The following FSD2 variants were observed in gnomAD, a reference collection of about 807,000 sequenced individuals.
FSD2 encodes the protein fibronectin type III and SPRY domain containing 2.
A neutral mutation model predicts 80.4 loss-of-function variants in FSD2; 71 were observed. That is an observed-to-expected ratio of 0.88 (90% CI 0.73 to 1.08). FSD2 has a LOEUF of 1.08. FSD2 is among the 50% of genes least tolerant of loss of function. FSD2 has a pLI of 0.00. For missense variants in FSD2, 923 were observed against 913.8 expected (o/e 1.01, Z -0.13); for synonymous variants, 361 against 329.5 (o/e 1.10, Z -1.03).
chr15:82,790,892 T>C (rs1420179297), intron 1 of FSD2, among the ~76,000 whole-genome samples: 2 of 149,234 alleles, frequency 1.3e-5, no homozygotes, highest in Non-Finnish European at 3.0e-5. Flanking sequence ...GCCCATTGTG[T>C]TTTATTAATT....
chr15:82,782,231 T>C (rs545263533), intron 4 of FSD2, among the ~76,000 whole-genome samples: 8 of 147,912 alleles, frequency 5.4e-5, no homozygotes, highest in African/African-American at 7.5e-5. Context: ...CCGTCTCTAC[T>C]AAAAATACAA....
intron 1 of FSD2, among the ~76,000 whole-genome samples, chr15:82,798,878 G>GTTTTT: frequency 7.4e-6 from 1 of 135,816 alleles, no homozygotes. Context: ...CCACTGTTTT[G>GTTTTT]TTTTTTTTTT....
intron 1 of FSD2, among the ~76,000 whole-genome samples, chr15:82,795,845 G>A (rs1487144814): frequency 6.7e-6 from 1 of 148,378 alleles, no homozygotes; most frequent in Non-Finnish European, 1.5e-5. Context: ...AAAAAAAAAA[G>A]TATTAGATGA....
At position 82,782,818 on chromosome 15, in the gene FSD2, C is replaced by T. The variant is rs535507046; in HGVS notation, c.943G>A (p.Glu315Lys). The T allele has an allele frequency of 7.9e-5, 128 of 1,611,750 alleles. No homozygotes were observed. Among genetic ancestry groups the T allele is most frequent in the South Asian group, 1.3e-4 (12 of 90,278 alleles). The change falls in exon 4 of 13, where the codon GAG (glutamate) becomes AAG (lysine). Residue 315 changes from glutamate (E) to lysine (K), a missense_variant. Coordinates refer to ENST00000334574, the MANE Select transcript of FSD2 (RefSeq NM_001007122.4). ...LMETIEEMCH[E>K]EKVDFIKDAV... ...ACCTTTATGAAATCCACCTTCTCCT[C>T]GTGACACATCTCCTCTATTGTTTCC...
intron 7 of FSD2, among the ~76,000 whole-genome samples, 190 bp downstream of exon 7, chr15:82,771,883 G>C (rs1057315262): frequency 1.3e-5 from 2 of 152,192 alleles, no homozygotes; most frequent in African/African-American, 4.8e-5. Flanking sequence ...TGGCCTTGCT[G>C]TCCTTCCCAG....
intron 1 of FSD2, among the ~76,000 whole-genome samples, chr15:82,791,839 AT>A (rs1036100511): frequency 3.3e-5 from 5 of 152,272 alleles, no homozygotes; most frequent in Admixed American, 2.0e-4. Flanking sequence ...ATAGTATGTG[AT>A]CTTTTGTAAC....
intron 1 of FSD2, among the ~76,000 whole-genome samples, chr15:82,798,402 C>T (rs902121186): frequency 6.6e-6 from 1 of 152,070 alleles, no homozygotes; most frequent in African/African-American, 2.4e-5. Flanking sequence ...GTGCACAATT[C>T]AATGATTTTT....
chr15:82,769,588 A>G (rs533338699), intron 8 of FSD2, among the ~76,000 whole-genome samples, 162 bp downstream of exon 8: 1 of 152,180 alleles, frequency 6.6e-6, no homozygotes, highest in South Asian at 2.1e-4. Context: ...TGTCACTGTC[A>G]AACTAGGCAT....
intron 4 of FSD2, among the ~76,000 whole-genome samples, chr15:82,782,355 G>T (rs922688160): frequency 6.6e-6 from 1 of 152,050 alleles, no homozygotes; most frequent in Non-Finnish European, 1.5e-5. Context: ...AGCCGAGATC[G>T]CGCCACTGCA....
chr15:82,762,172 C>T lies in FSD2; in HGVS notation c.1927G>A (p.Val643Ile). Reference protein sequence around the residue: ...DYRVGVAFADVRKQEDLGANC... With the variant: ...DYRVGVAFADIRKQEDLGANC... The stretch of plus-strand genomic sequence containing the variant: ...GCTCCCAGATCCTCCTGTTTACGGA[C>T]ATCTGCAAAGGCCACACCAACTCTG... Residue 643 changes from valine to isoleucine, a missense_variant, in exon 12 of 13, where the codon GTC (valine) becomes ATC (isoleucine). Val to Ile is a conservative substitution (Grantham distance 29). Transcript: ENST00000334574. 1 of 1,613,414 alleles carries T rather than the reference C, an allele frequency of 6.2e-7. No homozygotes were observed. The highest frequency in any genetic ancestry group is 8.5e-7 in the Non-Finnish European group (1 of 1,179,680).
chr15:82,765,293 A>C lies in FSD2; in HGVS notation c.1693T>G (p.Tyr565Asp). The change falls in exon 11 of 13, where the codon TAC becomes GAC. Residue 565 changes from tyrosine (Y) to aspartate (D), a missense_variant. Transcript: ENST00000334574. ...CAAGTGTCCTTGTTTAGGCGAAAGT[A>C]GCTTCCTGTGGGAGGAGGAACACAC... is the stretch of plus-strand genomic sequence containing the variant. ...EPATVHTIGS[Y>D]FRLNKDTCHP... 6.2e-7 allele frequency: 1 copy of C among 1,613,234 alleles called. No individual in the cohort carries two copies. Among genetic ancestry groups the C allele is most frequent in the Non-Finnish European group, 8.5e-7 (1 of 1,179,628 alleles).
At chr15:82,792,459 G>T (rs2050173516) in intron 1 of FSD2, among the ~76,000 whole-genome samples, 1 of 152,116 alleles carries the variant, frequency 6.6e-6, no homozygotes, top group Admixed American at 6.6e-5. Context: ...TTTTAAATTG[G>T]ATTATTTGCC....
chr15:82,783,619 C>G (rs1387330964), intron 3 of FSD2, among the ~76,000 whole-genome samples: 2 of 152,180 alleles, frequency 1.3e-5, no homozygotes, highest in Non-Finnish European at 2.9e-5. Flanking sequence ...CCTTCTATCA[C>G]CATGACAAGT....
chr15:82,769,873 T>C lies in FSD2; in HGVS notation c.1279A>G (p.Thr427Ala). 2 of 1,613,908 alleles carry C rather than the reference T, an allele frequency of 1.2e-6. No individual in the cohort carries two copies. Among genetic ancestry groups the C allele is most frequent in the South Asian group, 2.2e-5 (2 of 91,074 alleles). ...ACTGAGCAATATGTTTCTTTGACAGTCACTGTAAACTCTGGGGAAAAAAAA... is the reference window on the plus strand; with the variant it reads ...ACTGAGCAATATGTTTCTTTGACAGCCACTGTAAACTCTGGGGAAAAAAAA... Reference protein sequence around the residue: ...PGTDQAEFTVTVKETYCSVTN... With the variant: ...PGTDQAEFTVAVKETYCSVTN... Residue 427 changes from threonine (T) to alanine (A), a missense_variant, in exon 8 of 13, where the codon ACT (threonine) becomes GCT (alanine). Thr to Ala is a moderately conservative substitution (Grantham distance 58). Coordinates refer to ENST00000334574, the MANE Select transcript of FSD2 (RefSeq NM_001007122.4).
At chr15:82,761,516 C>T (rs1358853611) in intron 12 of FSD2, among the ~76,000 whole-genome samples, 1 of 152,026 alleles carries the variant, frequency 6.6e-6, no homozygotes, top group East Asian at 1.9e-4. Context: ...TAAAGGTGAA[C>T]AGAAATGAAA....
chr15:82,774,315 G>C (rs1382879775), intron 6 of FSD2, among the ~76,000 whole-genome samples: 1 of 152,128 alleles, frequency 6.6e-6, no homozygotes, highest in Non-Finnish European at 1.5e-5. Context: ...GGCTCTAGCA[G>C]TCTGCCCACC....
At chr15:82,784,683 T>C (rs1392236016) in intron 3 of FSD2, among the ~76,000 whole-genome samples, 4 of 152,184 alleles carry the variant, frequency 2.6e-5, no homozygotes, top group African/African-American at 7.2e-5. Flanking sequence ...CCTTGTAAGA[T>C]TGGGGCTGGA....
intron 9 of FSD2, 90 bp from the exon 10 acceptor site, chr15:82,766,121 C>T: frequency 7.1e-7 from 1 of 1,402,004 alleles, no homozygotes; most frequent in Non-Finnish European, 9.5e-7. Flanking sequence ...GAAGGTTTAA[C>T]TCACTCTTGC....
chr15:82,780,112 C>T, intron 5 of FSD2, 133 bp downstream of exon 5: 1 of 630,868 alleles, frequency 1.6e-6, no homozygotes. Flanking sequence ...CATTCCAAAG[C>T]CAGTGCTAAT....
Sources: gnomAD v4.1 joint callset for allele counts (sites outside exome capture counted in the v4.1 genomes callset) on GRCh38, gnomAD v4.1.1 for gene constraint, MANE v1.5 for transcripts, NCBI Gene and HGNC (gene_info 2026-07-23, HGNC 2026-07-21) for gene names.